The following MYO5A variants were observed in gnomAD, a reference collection of about 807,000 sequenced individuals.
The protein encoded by MYO5A is myosin VA.
In MYO5A, 98 loss-of-function variants were observed where a neutral mutation model predicts 249.7. That is an observed-to-expected ratio of 0.39 (90% CI 0.33 to 0.46). The LOEUF (loss-of-function observed/expected upper bound fraction) is 0.46. Among genes scored for constraint, MYO5A ranks in the 20% least tolerant of loss-of-function variants. MYO5A has a pLI of 0.98. For missense variants in MYO5A, 1,696 were observed against 2,308.8 expected (o/e 0.73, Z 5.44); for synonymous variants, 778 against 810.6 (o/e 0.96, Z 0.68).
At chr15:52,345,094 C>T (rs1237795597) in intron 30 of MYO5A, among the ~76,000 whole-genome samples, 3 of 152,194 alleles carry the variant, frequency 2.0e-5, no homozygotes, top group Non-Finnish European at 2.9e-5. Context: ...TCCAGGTCCT[C>T]CCTTGGATAG....
chr15:52,309,686 G>A lies in MYO5A; in HGVS notation c.*4010C>T, dbSNP rs184824453. On this transcript the variant is annotated 3_prime_UTR_variant, in exon 42 of 42. Transcript: ENST00000399233. The stretch of plus-strand genomic sequence containing the variant: ...ATGAAACGAGGTAACAGAGGAAAGC[G>A]CCGCAGGAAAGCATATCTGGACCCA... The A allele has an allele frequency of 1.2e-4, 19 of 152,326 alleles. No individual in the cohort carries two copies. Among genetic ancestry groups the A allele is most frequent in the African/African-American group, 4.3e-4 (18 of 41,542 alleles). The allele number at this position is 152,326 out of a possible 1,614,324, so 9.4% of individuals were successfully genotyped here. A position where few individuals can be genotyped will look rare whatever the true frequency, so the allele number is the denominator to read the frequency against.
At chr15:52,508,678 A>C (rs531615252) in intron 1 of MYO5A, among the ~76,000 whole-genome samples, 1 of 152,046 alleles carries the variant, frequency 6.6e-6, no homozygotes, top group Non-Finnish European at 1.5e-5. Flanking sequence ...AGCTGGTAAC[A>C]CACATGTGGT....
At chr15:52,437,952 A>C in intron 1 of MYO5A, 2 of 865,096 alleles carry the variant, frequency 2.3e-6, no homozygotes, top group Non-Finnish European at 2.8e-6. Flanking sequence ...CCTGATAACC[A>C]ATTTCCTCTT....
chr15:52,405,150 T>C, intron 9 of MYO5A, 137 bp downstream of exon 9: 1 of 732,964 alleles, frequency 1.4e-6, no homozygotes, highest in Non-Finnish European at 2.4e-6. Context: ...GATTCTCCTT[T>C]GGATAACATA....
At position 52,309,159 on chromosome 15, in the gene MYO5A, A is replaced by G. The variant is rs2037704909; in HGVS notation, c.*4537T>C. The stretch of plus-strand genomic sequence containing the variant: ...GACTCTGATGGGTGTGGGGAGAGTA[A>G]CTTTCCTCTTAATTTCAGAGAGGCT... On this transcript the variant is annotated 3_prime_UTR_variant, in exon 42 of 42. Coordinates refer to ENST00000399233, the MANE Select transcript of MYO5A (RefSeq NM_001382347.1). The G allele has an allele frequency of 6.6e-6, 1 of 152,244 alleles. No individual in the cohort carries two copies. The highest frequency in any genetic ancestry group is 1.5e-5 in the Non-Finnish European group (1 of 68,072). 9.4% of individuals were successfully genotyped at this position (152,244 alleles called of 1,614,324 possible).
At chr15:52,446,419 G>C (rs1162943868) in intron 1 of MYO5A, among the ~76,000 whole-genome samples, 2 of 152,292 alleles carry the variant, frequency 1.3e-5, no homozygotes, top group Non-Finnish European at 2.9e-5. Flanking sequence ...CCTCCACTTA[G>C]ATTTCAGAGG....
intron 5 of MYO5A, among the ~76,000 whole-genome samples, chr15:52,411,455 T>C (rs1393155740): frequency 1.3e-5 from 2 of 152,200 alleles, no homozygotes; most frequent in African/African-American, 4.8e-5. Flanking sequence ...CTGCTAAATG[T>C]TTTATATAAC....
chr15:52,419,280 C>G (rs1426000607), intron 4 of MYO5A, among the ~76,000 whole-genome samples: 1 of 152,144 alleles, frequency 6.6e-6, no homozygotes, highest in Non-Finnish European at 1.5e-5. Flanking sequence ...AATTGTTTCT[C>G]CCTTTATCCG....
intron 1 of MYO5A, among the ~76,000 whole-genome samples, chr15:52,460,074 A>G (rs868041244): frequency 3.0e-4 from 44 of 147,004 alleles, no homozygotes; most frequent in African/African-American, 1.1e-3. Context: ...GGCGCTCCCC[A>G]CATCCCAGAT....
At chr15:52,409,999 T>C (rs2043180136) in intron 6 of MYO5A, among the ~76,000 whole-genome samples, 1 of 152,130 alleles carries the variant, frequency 6.6e-6, no homozygotes, top group Non-Finnish European at 1.5e-5. Context: ...AACTAACTTA[T>C]TGAGAGCATG....
intron 1 of MYO5A, among the ~76,000 whole-genome samples, chr15:52,433,498 G>A (rs556486111): frequency 1.1e-3 from 154 of 141,124 alleles, no homozygotes; most frequent in African/African-American, 4.1e-3. Context: ...TCAGCTCACA[G>A]CAACCTCTGC....
At position 52,457,420 on chromosome 15, in the gene MYO5A, CAA is replaced by C. The variant is rs35282872; in HGVS notation, c.28-24137_28-24136del. 4.5e-3 allele frequency among the ~76,000 whole-genome samples: 392 copies of C among 87,150 alleles called. 2 individuals carry two copies. The highest frequency in any genetic ancestry group is 0.018 in the African/African-American group (350 of 19,996). The allele number at this position is 87,150 out of a possible 152,430, so 57.2% of individuals were successfully genotyped here. On this transcript the variant is annotated intron_variant, in intron 1 of 41. Transcript: ENST00000399233. ...TAAGTGACAGAGTGAGACCCTGTCT[CAA>C]AAAAAAAAAAAAAAAAAGTAGACAA...
chr15:52,528,957 G>GC (rs1323860505), upstream of MYO5A: 1 of 511,324 alleles, frequency 2.0e-6, no homozygotes, highest in Admixed American at 5.9e-5. Flanking sequence ...GGCGGGGCGG[G>GC]GCGGGGCGCC....
chr15:52,445,422 A>C, intron 1 of MYO5A, among the ~76,000 whole-genome samples: 1 of 152,066 alleles, frequency 6.6e-6, no homozygotes, highest in East Asian at 1.9e-4. Context: ...TTTTCTTATA[A>C]CTTACCCAGT....
intron 39 of MYO5A, 61 bp from the exon 40 acceptor site, chr15:52,317,283 A>T (rs182288486): frequency 1.2e-5 from 19 of 1,545,930 alleles, no homozygotes; most frequent in Non-Finnish European, 1.6e-5. Context: ...AAATGTCTTA[A>T]TTTTTTTGTG....
intron 9 of MYO5A, among the ~76,000 whole-genome samples, chr15:52,398,433 TG>T (rs1442925596): frequency 6.6e-6 from 1 of 152,352 alleles, no homozygotes; most frequent in East Asian, 1.9e-4. Context: ...ACATTGTCTC[TG>T]GTGGATAACT....
chr15:52,388,002 G>A (rs1481131276), intron 13 of MYO5A, 90 bp from the exon 14 acceptor site: 3 of 972,780 alleles, frequency 3.1e-6, no homozygotes, highest in Non-Finnish European at 4.8e-6. Context: ...TTAGTCTCAG[G>A]CTATACGATC....
intron 1 of MYO5A, among the ~76,000 whole-genome samples, chr15:52,461,303 C>T (rs2076244299): frequency 6.6e-6 from 1 of 152,002 alleles, no homozygotes; most frequent in Non-Finnish European, 1.5e-5. Flanking sequence ...AAAGGGCATA[C>T]TTAAAATCTT....
At chr15:52,318,383 G>A (rs1177601159) in intron 39 of MYO5A, among the ~76,000 whole-genome samples, 1 of 145,850 alleles carries the variant, frequency 6.9e-6, no homozygotes, top group African/African-American at 2.5e-5. Context: ...TTCAACCCAG[G>A]AGGCAGAGGT....
Sources: gnomAD v4.1 joint callset for allele counts (sites outside exome capture counted in the v4.1 genomes callset) on GRCh38, gnomAD v4.1.1 for gene constraint, MANE v1.5 for transcripts, NCBI Gene and HGNC (gene_info 2026-07-23, HGNC 2026-07-21) for gene names.